Variants in FBXO25 observed in about 807,000 individuals in gnomAD.
FBXO25 encodes the protein F-box only protein 25.
Under a neutral mutation model 51.9 loss-of-function variants are expected in FBXO25, and 45 were observed. The observed-to-expected ratio is 0.87, with a 90% CI of 0.68 to 1.11. FBXO25 has a LOEUF of 1.11. Among genes scored for constraint, FBXO25 ranks in the 50% most tolerant of loss-of-function variants. The pLI is 0.00. For missense variants in FBXO25, 507 were observed against 428.5 expected, an observed-to-expected ratio of 1.18 and a Z score of -1.62; for synonymous variants, 199 against 151.0, an observed-to-expected ratio of 1.32 and a Z score of -2.33.
chr8:439,297 G>A (rs1166043116), intron 5 of FBXO25, among the ~76,000 whole-genome samples: 1 of 152,182 alleles, frequency 6.6e-6, no homozygotes, highest in African/African-American at 2.4e-5. Flanking sequence ...AACAGCCCGA[G>A]GCTTGGGAGG....
chr8:435,008 C>T (rs191645620), intron 4 of FBXO25, among the ~76,000 whole-genome samples: 38 of 152,296 alleles, frequency 2.5e-4, no homozygotes, highest in African/African-American at 9.1e-4. Context: ...TGCCTTCAGC[C>T]CTCTCCATCC....
At chr8:463,821 T>C (rs1361114615) in intron 9 of FBXO25, among the ~76,000 whole-genome samples, 1 of 152,160 alleles carries the variant, frequency 6.6e-6, no homozygotes, top group African/African-American at 2.4e-5. Context: ...TTGTTGTCTT[T>C]TTTCTTTTTT....
At chr8:419,240 G>A (rs1038114576) in intron 2 of FBXO25, among the ~76,000 whole-genome samples, 1 of 152,080 alleles carries the variant, frequency 6.6e-6, no homozygotes, top group African/African-American at 2.4e-5. Flanking sequence ...GTGGTGACAG[G>A]TGCCTGTAAT....
chr8:436,468 C>A (rs115311289), intron 5 of FBXO25, among the ~76,000 whole-genome samples: 2 of 151,962 alleles, frequency 1.3e-5, no homozygotes, highest in African/African-American at 2.4e-5. Flanking sequence ...AATTGTAAGC[C>A]TTAGATAATA....
At chr8:415,394 G>A (rs1265459918) in intron 2 of FBXO25, among the ~76,000 whole-genome samples, 1 of 152,178 alleles carries the variant, frequency 6.6e-6, no homozygotes, top group African/African-American at 2.4e-5. Flanking sequence ...TCTGAAAGCT[G>A]CTCTTTCAAG....
intron 2 of FBXO25, among the ~76,000 whole-genome samples, chr8:429,350 G>C (rs1797683282): frequency 6.6e-6 from 1 of 152,130 alleles, no homozygotes; most frequent in Non-Finnish European, 1.5e-5. Context: ...CTTCTTTGGA[G>C]AAGTGTCTGT....
In FBXO25 at chr8:474,240, G is replaced by A. The variant is rs1046210140; in HGVS notation, c.*5436G>A. On this transcript the variant is annotated 3_prime_UTR_variant, in exon 10 of 10. Transcript: ENST00000350302. ...TTTTGTGACTGGCTTATTTCACTTA[G>A]CGTAATGTCCTCAAGGTTTATTCAA... The A allele has an allele frequency of 1.7e-5, 3 of 171,830 alleles. No homozygotes were observed. Among genetic ancestry groups the A allele is most frequent in the African/African-American group, 7.2e-5 (3 of 41,694 alleles). 10.6% of individuals were successfully genotyped at this position (171,830 alleles called of 1,614,324 possible). A position where few individuals can be genotyped will look rare whatever the true frequency, so the allele number is the denominator to read the frequency against.
At chr8:451,608 C>G (rs374426678) in intron 7 of FBXO25, among the ~76,000 whole-genome samples, 155 bp downstream of exon 7, 26 of 152,186 alleles carry the variant, frequency 1.7e-4, no homozygotes, top group African/African-American at 6.0e-4. Flanking sequence ...AGAAAAGGAC[C>G]AAAGACCCCA....
Position 468,975 on chromosome 8 carries a change from C to T in FBXO25, c.*171C>T. ...GGACTGCATGGTTGCATTTTCATCA[C>T]TGAAAGTCAGAGGCCAAGGAAATCA... On this transcript the variant is annotated 3_prime_UTR_variant, in exon 10 of 10. Coordinates refer to ENST00000350302, the MANE Select transcript of FBXO25 (RefSeq NM_183420.2). 1 of 582,274 alleles carries T rather than the reference C, an allele frequency of 1.7e-6. No individual in the cohort carries two copies. Among genetic ancestry groups the T allele is most frequent in the Non-Finnish European group, 3.0e-6 (1 of 336,774 alleles). 36.1% of individuals were successfully genotyped at this position (582,274 alleles called of 1,614,324 possible).
In FBXO25 at chr8:468,935, C is replaced by A. The variant is rs906458972; in HGVS notation, c.*131C>A. 1.3e-6 allele frequency: 1 copy of A among 792,204 alleles called. No individual in the cohort carries two copies. Among genetic ancestry groups the A allele is most frequent in the African/African-American group, 1.8e-5 (1 of 56,908 alleles). 49.1% of individuals were successfully genotyped at this position (792,204 alleles called of 1,614,324 possible). On this transcript the variant is annotated 3_prime_UTR_variant, in exon 10 of 10. Coordinates refer to ENST00000350302, the MANE Select transcript of FBXO25 (RefSeq NM_183420.2). ...TTCCAGAAAGCCTGGGAAGAACTGC[C>A]CTTCTGCAAAGGGGGGACTGCATGG...
At chr8:420,355 A>G (rs541591266) in intron 2 of FBXO25, 1 of 152,334 alleles carries the variant, frequency 6.6e-6, no homozygotes, top group Non-Finnish European at 1.5e-5. Context: ...GGAATGCAGA[A>G]TGGCACAGCC....
intron 1 of FBXO25, among the ~76,000 whole-genome samples, chr8:410,147 C>G (rs1186159479): frequency 6.6e-6 from 1 of 152,178 alleles, no homozygotes; most frequent in Non-Finnish European, 1.5e-5. Context: ...CTCAAATTAA[C>G]TTTATTCTCT....
In FBXO25 at chr8:414,239, G is replaced by T. The variant is rs1230745560; in HGVS notation, c.134+1026G>T. Among the ~76,000 whole-genome samples the T allele has an allele frequency of 1.1e-4, 16 of 152,172 alleles. 1 individual carries two copies. The highest frequency in any genetic ancestry group is 3.9e-4 in the African/African-American group (16 of 41,440). On this transcript the variant is annotated intron_variant, in intron 2 of 9. Coordinates refer to ENST00000350302, the MANE Select transcript of FBXO25 (RefSeq NM_183420.2). ...CGCTAAGATGTATTTAATGTTGATA[G>T]CTGTAAAACTTATTTAAAGCTTGTA...
intron 9 of FBXO25, among the ~76,000 whole-genome samples, chr8:467,319 A>G (rs1422490648): frequency 6.6e-6 from 1 of 152,212 alleles, no homozygotes; most frequent in Non-Finnish European, 1.5e-5. Flanking sequence ...CGGATGTTAA[A>G]TGAAGAACAA....
intron 6 of FBXO25, chr8:450,867 CT>C (rs1203021237): frequency 5.7e-6 from 1 of 176,776 alleles, no homozygotes; most frequent in Non-Finnish European, 1.2e-5. Flanking sequence ...TCCAGAACCT[CT>C]TCATTGTCCC....
intron 5 of FBXO25, among the ~76,000 whole-genome samples, chr8:436,276 A>G (rs545169254): frequency 6.6e-5 from 10 of 152,310 alleles, no homozygotes; most frequent in Non-Finnish European, 1.2e-4. Context: ...TTGTCCAAAG[A>G]TTAATTACTA....
chr8:457,141 G>A lies in FBXO25; in HGVS notation c.661-1228G>A, dbSNP rs530191169. Reference sequence around the variant, plus strand: ...GGAAAACACAAATCAGAAGCTCGCAGGTGAGCACACGACAGAAGCGCCACC... The same window carrying A: ...GGAAAACACAAATCAGAAGCTCGCAAGTGAGCACACGACAGAAGCGCCACC... On this transcript the variant is annotated intron_variant, in intron 7 of 9. Coordinates refer to ENST00000350302, the MANE Select transcript of FBXO25 (RefSeq NM_183420.2). Among the ~76,000 whole-genome samples, 15 of 152,326 alleles carry A rather than the reference G, an allele frequency of 9.8e-5. No homozygotes were observed. In the South Asian group the frequency reaches 2.1e-3, roughly 21 times the overall value.
chr8:446,904 G>C (rs1319051586), intron 5 of FBXO25, among the ~76,000 whole-genome samples: 2 of 151,360 alleles, frequency 1.3e-5, no homozygotes, highest in African/African-American at 4.9e-5. Context: ...AGAAAGGCTG[G>C]AAGGAGAATT....
In FBXO25 at chr8:469,608, T is replaced by C. The variant is rs1800408767; in HGVS notation, c.*804T>C. 6.6e-6 allele frequency: 1 copy of C among 152,240 alleles called. No homozygotes were observed. Among genetic ancestry groups the C allele is most frequent in the African/African-American group, 2.4e-5 (1 of 41,458 alleles). 9.4% of individuals were successfully genotyped at this position (152,240 alleles called of 1,614,324 possible). ...ATCAGTTTTGCATCCTACTGAGAAATGTTAGTGATTTTGATACTTAAATCC... is the reference window on the plus strand; with the variant it reads ...ATCAGTTTTGCATCCTACTGAGAAACGTTAGTGATTTTGATACTTAAATCC... On this transcript the variant is annotated 3_prime_UTR_variant, in exon 10 of 10. Transcript: ENST00000350302.
Sources: allele counts gnomAD v4.1 joint callset (sites outside exome capture counted in the v4.1 genomes callset), GRCh38; gene constraint gnomAD v4.1.1; transcripts MANE v1.5; gene names NCBI Gene and HGNC (gene_info 2026-07-23, HGNC 2026-07-21).